Variants in OLR1 observed in about 807,000 individuals in gnomAD.
OLR1 encodes oxidized low-density lipoprotein receptor 1.
In OLR1, 23 loss-of-function variants were observed where a neutral mutation model predicts 31.7. The observed-to-expected ratio is 0.72, with a 90% CI of 0.52 to 1.03. The LOEUF (loss-of-function observed/expected upper bound fraction) is 1.03, where lower values mean the gene tolerates loss of function less well. Among genes scored for constraint, OLR1 ranks in the 50% least tolerant of loss-of-function variants. OLR1 has a pLI of 0.00. For missense variants in OLR1, 286 were observed against 315.7 expected (o/e 0.91, Z 0.71); for synonymous variants, 117 against 115.8 (o/e 1.01, Z -0.07).
chr12:10,160,249 A>G (rs1948608714), intron 5 of OLR1, 98 bp downstream of exon 5: 2 of 1,024,632 alleles, frequency 2.0e-6, no homozygotes, highest in Non-Finnish European at 2.9e-6. Flanking sequence ...TCTGGCAAGA[A>G]GAGGACATTG....
chr12:10,174,179 G>A (rs1032113243), upstream of OLR1, among the ~76,000 whole-genome samples: 2 of 152,082 alleles, frequency 1.3e-5, no homozygotes, highest in African/African-American at 4.8e-5. Flanking sequence ...TCCTGCCTCA[G>A]CCTCCTGAGT....
intron 2 of OLR1, 65 bp from the exon 3 acceptor site, chr12:10,167,022 G>A: frequency 6.8e-7 from 1 of 1,476,044 alleles, no homozygotes; most frequent in Non-Finnish European, 9.2e-7. Context: ...GGGACTTTTT[G>A]AGGAAATCAA....
rs1948601016 is a variant in OLR1, at chr12:10,159,347, G to A, written c.*533C>T. The stretch of plus-strand genomic sequence containing the variant: ...TGTCTGTCCGTAAGTGGTAGAGTCT[G>A]GAGATGGACCACAGTTTAAAAACCA... On this transcript the variant is annotated 3_prime_UTR_variant, in exon 6 of 6. Transcript: ENST00000309539. The A allele has an allele frequency of 6.5e-6, 1 of 152,772 alleles. No homozygotes were observed. Among genetic ancestry groups the A allele is most frequent in the South Asian group, 2.0e-4 (1 of 4,898 alleles). The allele number at this position is 152,772 out of a possible 1,614,324, so 9.5% of individuals were successfully genotyped here.
chr12:10,159,604 A>G lies in OLR1; in HGVS notation c.*276T>C, dbSNP rs181195036. On this transcript the variant is annotated 3_prime_UTR_variant, in exon 6 of 6. Transcript: ENST00000309539. The stretch of plus-strand genomic sequence containing the variant: ...GAGTTCAGAGGGTTTTCAAGCTTGA[A>G]GAGGAGTCAAATTTTAAAATAAAAA... 1.9e-3 allele frequency: 529 copies of G among 278,528 alleles called. 3 individuals are homozygous for G. The highest frequency in any genetic ancestry group is 0.01 in the African/African-American group (494 of 47,400). 17.3% of individuals were successfully genotyped at this position (278,528 alleles called of 1,614,324 possible).
chr12:10,174,856 T>G (rs562681781), upstream of OLR1, among the ~76,000 whole-genome samples: 31 of 152,336 alleles, frequency 2.0e-4, 1 homozygote, highest in South Asian at 3.7e-3. Context: ...GTATCTAAAT[T>G]ATTTTATTTA....
rs1039229862 is a variant in OLR1 at position 10,160,609 on chromosome 12, G to A, written c.565-147C>T. The A allele has an allele frequency of 8.3e-5, 81 of 977,724 alleles. No homozygotes were observed. The Middle Eastern group carries it at 9.3e-4, about 11-fold the overall frequency. The allele number at this position is 977,724 out of a possible 1,614,324, so 60.6% of individuals were successfully genotyped here. Reference sequence around the variant, plus strand: ...TGTTTTACGGAAACACTTACTGAAGGCTAGAGATACTACAGAGCCTGTCCG... The same window carrying A: ...TGTTTTACGGAAACACTTACTGAAGACTAGAGATACTACAGAGCCTGTCCG... On this transcript the variant is annotated intron_variant, in intron 4 of 5. Coordinates refer to ENST00000309539, the MANE Select transcript of OLR1 (RefSeq NM_002543.4).
At chr12:10,169,393 A>C (rs976479414) in intron 1 of OLR1, among the ~76,000 whole-genome samples, 20 of 152,230 alleles carry the variant, frequency 1.3e-4, no homozygotes, top group African/African-American at 4.8e-4. Flanking sequence ...TAAGGAATTT[A>C]AGTAATTTAC....
In OLR1 at chr12:10,169,094, A is replaced by G; in HGVS notation, c.158T>C (p.Ile53Thr). The change falls in exon 2 of 6, where the codon ATT becomes ACT. Residue 53 changes from isoleucine to threonine, a missense_variant. Coordinates refer to ENST00000309539, the MANE Select transcript of OLR1 (RefSeq NM_002543.4). ...GVLCLGLVVT[I>T]MVLGMQLSQV... is the part of the protein sequence containing the mutation. ...CTTACATTGCATGCCCAGCACCATAATGGTCACTACTAATCCCAGGCAAAG... is the reference window on the plus strand; with the variant it reads ...CTTACATTGCATGCCCAGCACCATAGTGGTCACTACTAATCCCAGGCAAAG... The G allele has an allele frequency of 1.2e-6, 2 of 1,612,782 alleles. No individual in the cohort carries two copies. Among genetic ancestry groups the G allele is most frequent in the Non-Finnish European group, 1.7e-6 (2 of 1,179,536 alleles).
chr12:10,174,536 A>C (rs1948752017), upstream of OLR1, among the ~76,000 whole-genome samples: 1 of 152,156 alleles, frequency 6.6e-6, no homozygotes, highest in South Asian at 2.1e-4. Context: ...ATAAGAAAGA[A>C]TCCCCCAGCT....
At chr12:10,169,796 A>G (rs1049089629) in intron 1 of OLR1, among the ~76,000 whole-genome samples, 2 of 152,224 alleles carry the variant, frequency 1.3e-5, no homozygotes, top group African/African-American at 4.8e-5. Context: ...AATTTAGCTT[A>G]TATTAACAGC....
chr12:10,163,512 C>T (rs1339109649), intron 3 of OLR1, among the ~76,000 whole-genome samples: 1 of 151,766 alleles, frequency 6.6e-6, no homozygotes, highest in Non-Finnish European at 1.5e-5. Flanking sequence ...TCTCCCTCCT[C>T]ATATATACAT....
At position 10,159,738 on chromosome 12, in the gene OLR1, C is replaced by T. The variant is rs893694356; in HGVS notation, c.*142G>A. 1.1e-5 allele frequency: 8 copies of T among 704,562 alleles called. No individual in the cohort carries two copies. In the Admixed American group the frequency reaches 2.1e-4, roughly 18 times the overall value. 43.6% of individuals were successfully genotyped at this position (704,562 alleles called of 1,614,324 possible). A position where few individuals can be genotyped will look rare whatever the true frequency, so the allele number is the denominator to read the frequency against. ...CATAAAGGTGCCAGGCTCCTGGAAC[C>T]CCAGTTTCTGCAAAGGAGTTCTGCA... On this transcript the variant is annotated 3_prime_UTR_variant, in exon 6 of 6. Coordinates refer to ENST00000309539, the MANE Select transcript of OLR1 (RefSeq NM_002543.4).
chr12:10,166,992 T>G, intron 2 of OLR1, 35 bp from the exon 3 acceptor site: 1 of 1,572,618 alleles, frequency 6.4e-7, no homozygotes, highest in Non-Finnish European at 8.6e-7. Flanking sequence ...CTAGTTCTAA[T>G]CCAAATAAAA....
At chr12:10,161,213 A>AT (rs1286216041) in intron 3 of OLR1, among the ~76,000 whole-genome samples, 3 of 151,964 alleles carry the variant, frequency 2.0e-5, no homozygotes, top group Admixed American at 1.3e-4. Flanking sequence ...TTATTTCTTC[A>AT]TTTTTTGGGA....
chr12:10,165,511 G>A (rs1030464247), intron 3 of OLR1, among the ~76,000 whole-genome samples: 1 of 152,086 alleles, frequency 6.6e-6, no homozygotes, highest in African/African-American at 2.4e-5. Context: ...GTAGAGTTAG[G>A]GGTAGACAGT....
upstream of OLR1, among the ~76,000 whole-genome samples, chr12:10,174,949 A>G (rs188404451): frequency 1.6e-4 from 25 of 152,348 alleles, no homozygotes; most frequent in African/African-American, 5.5e-4. Context: ...ATTCCATTGT[A>G]TGTATAAACC....
chr12:10,168,286 TATTTTAA>T (rs1231974381), intron 2 of OLR1, among the ~76,000 whole-genome samples: 17 of 151,708 alleles, frequency 1.1e-4, no homozygotes, highest in Admixed American at 7.2e-4. Context: ...AAATATATTT[TATTTTAA>T]ATGTTTTATT....
chr12:10,174,064 GTT>G (rs541386069), upstream of OLR1, among the ~76,000 whole-genome samples: 226 of 151,538 alleles, frequency 1.5e-3, 2 homozygotes, highest in African/African-American at 5.1e-3. Context: ...TTGTTTGTTT[GTT>G]TGTTTGTTTT....
intron 3 of OLR1, among the ~76,000 whole-genome samples, chr12:10,164,089 G>A (rs1351407295): frequency 1.3e-5 from 2 of 152,144 alleles, no homozygotes; most frequent in African/African-American, 4.8e-5. Context: ...GTTCATCCAG[G>A]GCATCTCTGG....
Sources: gnomAD v4.1 joint callset for allele counts (sites outside exome capture counted in the v4.1 genomes callset) on GRCh38, gnomAD v4.1.1 for gene constraint, MANE v1.5 for transcripts, NCBI Gene and HGNC (gene_info 2026-07-23, HGNC 2026-07-21) for gene names.